SCAMP2: variants seen among roughly 807,000 people sequenced by gnomAD.
The protein encoded by SCAMP2 is secretory carrier membrane protein 2.
In SCAMP2, 25 loss-of-function variants were observed where a neutral mutation model predicts 44.1. That is an observed-to-expected ratio of 0.57 (90% CI 0.41 to 0.79). The LOEUF (loss-of-function observed/expected upper bound fraction) is 0.79. Ranked by LOEUF, SCAMP2 falls within the 30% of genes least tolerant of loss-of-function variation. SCAMP2 has a pLI of 0.00. For missense variants in SCAMP2, 355 were observed against 411.0 expected (o/e 0.86, Z 1.18); for synonymous variants, 156 against 166.0 (o/e 0.94, Z 0.46).
Position 74,873,297 on chromosome 15 carries a change from C to T in SCAMP2, c.-42G>A. On this transcript the variant is annotated 5_prime_UTR_variant, in exon 1 of 9. Transcript: ENST00000268099. ...CGGGCGAACTCCGCGAACGCTGCTGCCTCCGGGCACCCAGACCCAGCGGCG... is the reference window on the plus strand; with the variant it reads ...CGGGCGAACTCCGCGAACGCTGCTGTCTCCGGGCACCCAGACCCAGCGGCG... 6.8e-7 allele frequency: 1 copy of T among 1,469,744 alleles called. No homozygotes were observed. The highest frequency in any genetic ancestry group is 1.4e-5 in the South Asian group (1 of 72,096). 91.0% of individuals were successfully genotyped at this position (1,469,744 alleles called of 1,614,324 possible).
Position 74,865,776 on chromosome 15 carries a change from T to C in SCAMP2, c.57+7423A>G, listed in dbSNP as rs910111581. ...CTAGCCTGGGCAACAAAGTGAGACC[T>C]CATTTCTCCAAAAAAAAAAAAAAAA... On this transcript the variant is annotated intron_variant, in intron 1 of 8. Coordinates refer to ENST00000268099, the MANE Select transcript of SCAMP2 (RefSeq NM_005697.5). Among the ~76,000 whole-genome samples the C allele has an allele frequency of 3.2e-3, 311 of 96,380 alleles. 1 individual carries two copies. The highest frequency in any genetic ancestry group is 4.7e-3 in the South Asian group (11 of 2,364). The allele number at this position is 96,380 out of a possible 152,430, so 63.2% of individuals were successfully genotyped here.
intron 1 of SCAMP2, 56 bp from the exon 2 acceptor site, chr15:74,854,705 C>A: frequency 1.3e-6 from 2 of 1,503,684 alleles, no homozygotes; most frequent in Non-Finnish European, 1.8e-6. Flanking sequence ...GGCCAGGGGC[C>A]GGCAGGCGAG....
intron 6 of SCAMP2, among the ~76,000 whole-genome samples, chr15:74,849,412 C>T (rs1052880514): frequency 6.6e-6 from 1 of 152,012 alleles, no homozygotes; most frequent in Admixed American, 6.6e-5. Context: ...TGCGCCATTG[C>T]ACTCCAGCCT....
intron 5 of SCAMP2, 151 bp downstream of exon 5, chr15:74,851,202 C>A: frequency 1.2e-6 from 1 of 842,912 alleles, no homozygotes. Context: ...AGCCTGTGGG[C>A]AGAGGCATCT....
chr15:74,869,598 C>G (rs1205662986), intron 1 of SCAMP2, among the ~76,000 whole-genome samples: 1 of 152,216 alleles, frequency 6.6e-6, no homozygotes, highest in East Asian at 1.9e-4. Context: ...CACCTTCCTG[C>G]TGCTAAACAA....
At chr15:74,850,739 G>GTCATAACTCTGT in intron 5 of SCAMP2, 66 bp from the exon 6 acceptor site, 2 of 1,550,644 alleles carry the variant, frequency 1.3e-6, no homozygotes, top group Non-Finnish European at 1.8e-6. Flanking sequence ...CAATGTGGCA[G>GTCATAACTCTGT]CCACTCCCTA....
At position 74,872,948 on chromosome 15, in the gene SCAMP2, C is replaced by CA. The variant is rs1336658285; in HGVS notation, c.57+250dup. On this transcript the variant is annotated intron_variant, in intron 1 of 8. Coordinates refer to ENST00000268099, the MANE Select transcript of SCAMP2 (RefSeq NM_005697.5). ...CCTGCTCCAGTCCCCTTCCCTAGCA[C>CA]AGCCCAGCCTCCGGGTGCTAGAAGA... 11 of 457,210 alleles carry CA rather than the reference C, an allele frequency of 2.4e-5. No individual in the cohort carries two copies. The South Asian group carries it at 4.3e-4, about 18-fold the overall frequency. 28.3% of individuals were successfully genotyped at this position (457,210 alleles called of 1,614,324 possible).
At chr15:74,845,828 GA>G (rs1329468141) in intron 7 of SCAMP2, among the ~76,000 whole-genome samples, 1 of 152,246 alleles carries the variant, frequency 6.6e-6, no homozygotes, top group African/African-American at 2.4e-5. Context: ...TGTGAGGTCT[GA>G]AAGGGAGGAT....
intron 1 of SCAMP2, among the ~76,000 whole-genome samples, chr15:74,867,526 A>G (rs2064551414): frequency 6.6e-6 from 1 of 152,210 alleles, no homozygotes; most frequent in African/African-American, 2.4e-5. Flanking sequence ...AAATTTCTTG[A>G]GACAATGCTC....
chr15:74,858,803 G>GTTTT, intron 1 of SCAMP2, among the ~76,000 whole-genome samples: 2 of 142,558 alleles, frequency 1.4e-5, no homozygotes, highest in African/African-American at 5.3e-5. Context: ...CAAAGAGCTG[G>GTTTT]TTCTTTTTTT....
In SCAMP2 at chr15:74,865,938, G is replaced by A. The variant is rs902932786; in HGVS notation, c.57+7261C>T. Among the ~76,000 whole-genome samples the A allele has an allele frequency of 1.5e-4, 19 of 125,182 alleles. No homozygotes were observed. The Middle Eastern group carries it at 0.018, about 116-fold the overall frequency. 82.1% of individuals were successfully genotyped at this position (125,182 alleles called of 152,430 possible). A position where few individuals can be genotyped will look rare whatever the true frequency, so the allele number is the denominator to read the frequency against. ...TGCACTTCGGCCTAGGCAACACAGT[G>A]AGACTCTGTCTCGAAGGAAGGAAGG... On this transcript the variant is annotated intron_variant, in intron 1 of 8. Coordinates refer to ENST00000268099, the MANE Select transcript of SCAMP2 (RefSeq NM_005697.5).
At chr15:74,862,917 GA>G (rs1366548731) in intron 1 of SCAMP2, among the ~76,000 whole-genome samples, 11 of 113,634 alleles carry the variant, frequency 9.7e-5, no homozygotes, top group East Asian at 2.6e-4. Flanking sequence ...AAAAGAGAAA[GA>G]AAAAAAAATA....
rs2064414183 is a variant in SCAMP2, at chr15:74,848,585, A to C, written c.734+15T>G. Reference sequence around the variant, plus strand: ...TATCCAAAGCCTAATTCCCTCTGTGATGCCCAGGTCTCACCTGTCCCCCAG... The same window carrying C: ...TATCCAAAGCCTAATTCCCTCTGTGCTGCCCAGGTCTCACCTGTCCCCCAG... On this transcript the variant is annotated intron_variant, in intron 7 of 8. Transcript: ENST00000268099. 6.6e-7 allele frequency: 1 copy of C among 1,522,758 alleles called. No individual in the cohort carries two copies. The highest frequency in any genetic ancestry group is 1.4e-5 in the African/African-American group (1 of 73,006). The allele number at this position is 1,522,758 out of a possible 1,614,324, so 94.3% of individuals were successfully genotyped here.
chr15:74,851,385 C>T lies in SCAMP2; in HGVS notation c.440G>A (p.Arg147Gln), dbSNP rs746545894. ...CAGATAGTAGAGCATCTTGCATATC[C>T]GCTGGTAGTCGGCAGGGATCTCTGT... The part of the protein sequence containing the change: ...FSTEIPADYQ[R>Q]ICKMLYYLWM... Residue 147 changes from arginine (R) to glutamine (Q), a missense_variant, in exon 5 of 9, where the codon CGG becomes CAG. Physicochemically the swap from Arg to Gln is conservative, Grantham distance 43 (BLOSUM62 1). Transcript: ENST00000268099. The T allele has an allele frequency of 3.7e-6, 6 of 1,613,948 alleles. No individual in the cohort carries two copies. Among genetic ancestry groups the T allele is most frequent in the African/African-American group, 2.7e-5 (2 of 74,926 alleles).
chr15:74,844,317 TG>T lies in SCAMP2; in HGVS notation c.*765del, dbSNP rs1266747214. Reference sequence around the variant, plus strand: ...CAGGACAGCTTGGGGTCAGTGTCCTTGGTCCCTTCCAGTCCCCAAATCCCAA... The same window carrying T: ...CAGGACAGCTTGGGGTCAGTGTCCTTGTCCCTTCCAGTCCCCAAATCCCAA... On this transcript the variant is annotated 3_prime_UTR_variant, in exon 9 of 9. Coordinates refer to ENST00000268099, the MANE Select transcript of SCAMP2 (RefSeq NM_005697.5). 1 of 152,246 alleles carries T rather than the reference TG, an allele frequency of 6.6e-6. No homozygotes were observed. The highest frequency in any genetic ancestry group is 6.5e-5 in the Admixed American group (1 of 15,270). 9.4% of individuals were successfully genotyped at this position (152,246 alleles called of 1,614,324 possible). A position where few individuals can be genotyped will look rare whatever the true frequency, so the allele number is the denominator to read the frequency against.
chr15:74,845,669 A>C (rs1416768723), intron 7 of SCAMP2, 76 bp from the exon 8 acceptor site: 3 of 1,567,450 alleles, frequency 1.9e-6, no homozygotes, highest in African/African-American at 1.4e-5. Context: ...GCTCTTCTCC[A>C]AGTGGCTGCT....
In SCAMP2 at chr15:74,850,663, C is replaced by A; in HGVS notation, c.483G>T (p.Val161=). 1 of 1,613,946 alleles carries A rather than the reference C, an allele frequency of 6.2e-7. No homozygotes were observed. The highest frequency in any genetic ancestry group is 1.1e-5 in the South Asian group (1 of 91,052). The change falls in exon 6 of 9, where the codon GTG becomes GTT. Residue 161 remains valine (V), a synonymous_variant. Transcript: ENST00000268099. ...AGGCAAGCAGGTTCAGAAACAGAGTCACTGAATGCACTGGGGAAGGGGACA... is the reference window on the plus strand; with the variant it reads ...AGGCAAGCAGGTTCAGAAACAGAGTAACTGAATGCACTGGGGAAGGGGACA... ...MLYYLWMLHS[V]TLFLNLLACL... is the part of the protein sequence containing the mutation.
At chr15:74,855,228 T>A (rs928247937) in intron 1 of SCAMP2, among the ~76,000 whole-genome samples, 7 of 151,934 alleles carry the variant, frequency 4.6e-5, no homozygotes, top group Non-Finnish European at 1.0e-4. Flanking sequence ...CTCAGCCTCC[T>A]GAGTAGCTGG....
intron 8 of SCAMP2, 114 bp from the exon 9 acceptor site, chr15:74,845,331 C>CA: frequency 6.3e-7 from 1 of 1,576,708 alleles, no homozygotes; most frequent in Non-Finnish European, 8.6e-7. Flanking sequence ...CCTGACCCCC[C>CA]ACCCAGATCC....
Sources: gnomAD v4.1 joint callset for allele counts (sites outside exome capture counted in the v4.1 genomes callset) on GRCh38, gnomAD v4.1.1 for gene constraint, MANE v1.5 for transcripts, NCBI Gene and HGNC (gene_info 2026-07-23, HGNC 2026-07-21) for gene names.